HSF2BP: variants seen among roughly 807,000 people sequenced by gnomAD.
HSF2BP encodes the protein heat shock factor 2-binding protein.
Under a neutral mutation model 35.0 loss-of-function variants are expected in HSF2BP, and 35 were observed. The observed-to-expected ratio is 1.00, with a 90% CI of 0.76 to 1.32. HSF2BP has a LOEUF of 1.32. Ranked by LOEUF, HSF2BP falls within the 40% of genes most tolerant of loss-of-function variation. The probability of loss-of-function intolerance (pLI) is 0.00; values close to 1 mark genes in which losing one functional copy is unlikely to be tolerated. For synonymous variants in HSF2BP, 114 were observed against 117.4 expected (o/e 0.97, Z 0.18); for missense variants, 326 against 321.7 (o/e 1.01, Z -0.10).
intron 3 of HSF2BP, among the ~76,000 whole-genome samples, chr21:43,645,139 T>C (rs190300314): frequency 3.0e-4 from 45 of 152,344 alleles, no homozygotes; most frequent in African/African-American, 7.9e-4. Flanking sequence ...ATCATCAGTT[T>C]TTATGCCAAC....
Position 43,613,847 on chromosome 21 carries a change from C to T in HSF2BP, c.675G>A (p.Gln225=). Residue 225 remains glutamine (Q), a synonymous_variant, in exon 7 of 9, where the codon CAG becomes CAA. Coordinates refer to ENST00000291560, the MANE Select transcript of HSF2BP (RefSeq NM_007031.2). ...CACCATACACTTTGAGTTTGGTACACTGTCCTGGCTTCAAGTCTCCCAGAA... is the reference window on the plus strand; with the variant it reads ...CACCATACACTTTGAGTTTGGTACATTGTCCTGGCTTCAAGTCTCCCAGAA... ...LQLLGDLKPG[Q]CTKLKVLMLM... is the part of the protein sequence containing the mutation. 1 of 1,612,250 alleles carries T rather than the reference C, an allele frequency of 6.2e-7. No individual in the cohort carries two copies. Among genetic ancestry groups the T allele is most frequent in the Non-Finnish European group, 8.5e-7 (1 of 1,178,386 alleles).
chr21:43,616,596 T>C (rs914771597), intron 6 of HSF2BP, among the ~76,000 whole-genome samples: 1 of 151,924 alleles, frequency 6.6e-6, no homozygotes, highest in Non-Finnish European at 1.5e-5. Context: ...TAAGCCGAGA[T>C]TGCACTACTG....
chr21:43,630,398 C>A lies in HSF2BP; in HGVS notation c.498G>T (p.Lys166Asn). The A allele has an allele frequency of 6.2e-7, 1 of 1,613,656 alleles. No individual in the cohort carries two copies. Among genetic ancestry groups the A allele is most frequent in the Non-Finnish European group, 8.5e-7 (1 of 1,179,870 alleles). The change falls in exon 6 of 9, where the codon AAG becomes AAT. Residue 166 changes from lysine to asparagine, a missense_variant. Lys to Asn is a moderately conservative substitution (Grantham distance 94). Transcript: ENST00000291560. ...GCTCCTGGACATCACCGTCTAACGACTTCACAAAACTCTCCATTGTTTGAC... is the reference window on the plus strand; with the variant it reads ...GCTCCTGGACATCACCGTCTAACGAATTCACAAAACTCTCCATTGTTTGAC... The part of the protein sequence containing the change: ...ITGQTMESFV[K>N]SLDGDVQELD...
At chr21:43,606,718 G>A (rs1361344385) in intron 7 of HSF2BP, among the ~76,000 whole-genome samples, 1 of 152,102 alleles carries the variant, frequency 6.6e-6, no homozygotes, top group African/African-American at 2.4e-5. Flanking sequence ...AAATGGGGAG[G>A]GGGACACCAA....
chr21:43,647,675 G>A (rs569377685), intron 3 of HSF2BP, among the ~76,000 whole-genome samples: 6 of 152,054 alleles, frequency 3.9e-5, no homozygotes, highest in South Asian at 2.1e-4. Context: ...CACAAACGGC[G>A]TCAATTTATC....
chr21:43,634,520 T>G (rs1227716079), intron 4 of HSF2BP, among the ~76,000 whole-genome samples: 3 of 152,154 alleles, frequency 2.0e-5, no homozygotes, highest in Non-Finnish European at 2.9e-5. Flanking sequence ...TTTAGAGAGA[T>G]AAATACAAGA....
chr21:43,647,893 C>T (rs973218739), intron 3 of HSF2BP, among the ~76,000 whole-genome samples: 5 of 148,902 alleles, frequency 3.4e-5, no homozygotes, highest in African/African-American at 7.4e-5. Context: ...CACGCCAGTG[C>T]GCTCCAGCCT....
At chr21:43,628,476 G>A (rs1568925072) in intron 6 of HSF2BP, among the ~76,000 whole-genome samples, 1 of 152,194 alleles carries the variant, frequency 6.6e-6, no homozygotes, top group African/African-American at 2.4e-5. Context: ...AGGCTGACAG[G>A]GGTAAGGAAG....
chr21:43,637,127 A>C (rs751941673), intron 4 of HSF2BP, among the ~76,000 whole-genome samples: 2 of 152,092 alleles, frequency 1.3e-5, no homozygotes, highest in Non-Finnish European at 2.9e-5. Context: ...TGCATCTATA[A>C]AATAAAAAAG....
intron 8 of HSF2BP, among the ~76,000 whole-genome samples, chr21:43,574,434 C>T (rs137903866): frequency 0.033 from 4,979 of 151,890 alleles, 280 homozygotes; most frequent in African/African-American, 0.11. Context: ...CTCGGATCAC[C>T]GCAAGCTCCA....
chr21:43,598,905 C>G (rs901064473), intron 7 of HSF2BP, among the ~76,000 whole-genome samples: 2 of 152,206 alleles, frequency 1.3e-5, no homozygotes, highest in African/African-American at 2.4e-5. Flanking sequence ...TGCTTTCACA[C>G]AGGCAGTAAC....
rs200903847 is a variant in HSF2BP, at chr21:43,644,317, A to G, written c.263T>C (p.Val88Ala). 1.2e-6 allele frequency: 2 copies of G among 1,614,116 alleles called. No homozygotes were observed. Among genetic ancestry groups the G allele is most frequent in the Non-Finnish European group, 1.7e-6 (2 of 1,179,970 alleles). The change falls in exon 4 of 9, where the codon GTG (valine) becomes GCG (alanine). Residue 88 changes from valine to alanine, a missense_variant. Coordinates refer to ENST00000291560, the MANE Select transcript of HSF2BP (RefSeq NM_007031.2). ...CTTCTCTCTTATGTTGTCGGCCTGC[A>G]CGGTTTCCAGGCGGGCTTTAAAGTG... is the stretch of plus-strand genomic sequence containing the variant. ...CEHFKARLETVQADNIREKKE... is the reference protein window; with the variant it reads ...CEHFKARLETAQADNIREKKE...
chr21:43,577,011 C>G (rs1159811235), intron 8 of HSF2BP, among the ~76,000 whole-genome samples: 2 of 152,126 alleles, frequency 1.3e-5, no homozygotes, highest in Admixed American at 6.6e-5. Context: ...ATTTAATTCT[C>G]GTAATTGCTC....
chr21:43,598,332 G>C (rs1336293658), intron 7 of HSF2BP, among the ~76,000 whole-genome samples: 1 of 151,628 alleles, frequency 6.6e-6, no homozygotes, highest in Non-Finnish European at 1.5e-5. Context: ...AGCCTCCTGA[G>C]TAGCTGGGAC....
rs147995638 is a variant in HSF2BP, at chr21:43,615,452, G to A, written c.575-1505C>T. ...CAGAATATAAAATTTCATGTTACCC[G>A]GCCAGCTTCATGAACTCAGATCTTT... On this transcript the variant is annotated intron_variant, in intron 6 of 8. Coordinates refer to ENST00000291560, the MANE Select transcript of HSF2BP (RefSeq NM_007031.2). Among the ~76,000 whole-genome samples the A allele has an allele frequency of 4.6e-4, 70 of 152,198 alleles. 1 individual carries two copies. Among genetic ancestry groups the A allele is most frequent in the Non-Finnish European group, 7.9e-4 (54 of 68,012 alleles).
intron 4 of HSF2BP, among the ~76,000 whole-genome samples, chr21:43,639,706 ACT>A (rs2082610771): frequency 6.6e-6 from 1 of 152,140 alleles, no homozygotes; most frequent in Admixed American, 6.5e-5. Flanking sequence ...TGGTACAGAC[ACT>A]CTGGAAAACA....
intron 6 of HSF2BP, among the ~76,000 whole-genome samples, chr21:43,618,870 G>A (rs1054314768): frequency 3.3e-5 from 5 of 151,924 alleles, no homozygotes; most frequent in South Asian, 2.1e-4. Context: ...GCGTGAACCC[G>A]GGAGGCAGAG....
At chr21:43,617,656 A>G (rs529322527) in intron 6 of HSF2BP, among the ~76,000 whole-genome samples, 1 of 152,148 alleles carries the variant, frequency 6.6e-6, no homozygotes, top group East Asian at 1.9e-4. Flanking sequence ...TAGTAATTAC[A>G]TAATTCAAGA....
chr21:43,595,985 G>A (rs1452889693), intron 7 of HSF2BP, among the ~76,000 whole-genome samples: 2 of 152,036 alleles, frequency 1.3e-5, no homozygotes, highest in Admixed American at 1.3e-4. Flanking sequence ...CTCCCAACGT[G>A]CTGAGATTAC....
Sources: gnomAD v4.1 joint callset for allele counts (sites outside exome capture counted in the v4.1 genomes callset) on GRCh38, gnomAD v4.1.1 for gene constraint, MANE v1.5 for transcripts, NCBI Gene and HGNC (gene_info 2026-07-23, HGNC 2026-07-21) for gene names.